PARD3: variants seen among roughly 807,000 people sequenced by gnomAD.
PARD3 encodes the protein par-3 family cell polarity regulator, also known as partitioning defective 3 homolog.
PARD3 carries 75 observed loss-of-function variants against 155.4 expected under a neutral mutation model. The observed-to-expected ratio is 0.48, with a 90% CI of 0.40 to 0.58. PARD3 has a LOEUF of 0.58. Among genes scored for constraint, PARD3 ranks in the 20% least tolerant of loss-of-function variants. PARD3 has a pLI of 0.00. For synonymous variants in PARD3, 576 were observed against 610.5 expected, an observed-to-expected ratio of 0.94 and a Z score of 0.83; for missense variants, 1,642 against 1,721.7, an observed-to-expected ratio of 0.95 and a Z score of 0.82.
rs1406115456 is a variant in PARD3, at chr10:34,542,239, G to GTGTGCACGTGTGCA, written c.223-25081_223-25080insTGCACACGTGCACA. ...TGTGTGTGTGTGTGTGTGTGTGTGT[G>GTGTGCACGTGTGCA]CACACACACACACGCTTGCATTTAC... On this transcript the variant is annotated intron_variant, in intron 2 of 24. Coordinates refer to ENST00000374788, the MANE Select transcript of PARD3 (RefSeq NM_001184785.2). Among the ~76,000 whole-genome samples, 14 of 144,346 alleles carry GTGTGCACGTGTGCA rather than the reference G, an allele frequency of 9.7e-5. No homozygotes were observed. The South Asian group carries it at 3.2e-3, about 33-fold the overall frequency. The allele number at this position is 144,346 out of a possible 152,430, so 94.7% of individuals were successfully genotyped here.
At chr10:34,534,538 G>A (rs936441097) in intron 2 of PARD3, among the ~76,000 whole-genome samples, 1 of 152,142 alleles carries the variant, frequency 6.6e-6, no homozygotes, top group Admixed American at 6.6e-5. Flanking sequence ...AATAAATGAA[G>A]AGGGCTACAA....
At chr10:34,216,280 C>A (rs192191708) in intron 22 of PARD3, among the ~76,000 whole-genome samples, 1 of 152,154 alleles carries the variant, frequency 6.6e-6, no homozygotes, top group Non-Finnish European at 1.5e-5. Flanking sequence ...GCTATTTGTA[C>A]GACTACCTGC....
intron 2 of PARD3, among the ~76,000 whole-genome samples, chr10:34,669,681 G>A (rs1056045566): frequency 6.6e-6 from 1 of 151,924 alleles, no homozygotes; most frequent in Non-Finnish European, 1.5e-5. Flanking sequence ...TAATTTGCTT[G>A]CAACAAATGA....
Position 34,374,862 on chromosome 10 carries a change from A to T in PARD3, c.1668+12T>A, listed in dbSNP as rs770659159. 2.3e-5 allele frequency: 37 copies of T among 1,612,746 alleles called. No individual in the cohort carries two copies. The highest frequency in any genetic ancestry group is 2.5e-5 in the Non-Finnish European group (29 of 1,179,512). The stretch of plus-strand genomic sequence containing the variant: ...ATATCAGAAATCTTTCATCTACTCT[A>T]AATTTACACACCAGTTCCCTTGGGT... On this transcript the variant is annotated intron_variant, in intron 11 of 24. Transcript: ENST00000374788.
Position 34,449,237 on chromosome 10 carries a change from G to C in PARD3, c.714+1080C>G, listed in dbSNP as rs762936605. On this transcript the variant is annotated intron_variant, in intron 5 of 24. Transcript: ENST00000374788. ...CGGCAGATAAATTATCTTGATTGTG[G>C]TAATCATTGTATTAATATATACATA... Among the ~76,000 whole-genome samples the C allele has an allele frequency of 3.7e-4, 56 of 151,730 alleles. 1 individual carries two copies. The highest frequency in any genetic ancestry group is 1.0e-4 in the Non-Finnish European group (7 of 67,956).
intron 14 of PARD3, among the ~76,000 whole-genome samples, chr10:34,352,889 T>G (rs542604888): frequency 6.6e-6 from 1 of 151,440 alleles, no homozygotes; most frequent in East Asian, 2.0e-4. Flanking sequence ...CCATCCCATC[T>G]AGGAAGTGAG....
chr10:34,712,469 A>C (rs2094461611), intron 1 of PARD3, among the ~76,000 whole-genome samples: 1 of 152,188 alleles, frequency 6.6e-6, no homozygotes, highest in Admixed American at 6.5e-5. Context: ...CTGCTTTTCC[A>C]TGTGACAATC....
intron 2 of PARD3, among the ~76,000 whole-genome samples, chr10:34,594,531 A>T (rs1386599592): frequency 6.6e-6 from 1 of 152,142 alleles, no homozygotes; most frequent in East Asian, 1.9e-4. Context: ...TCAAGAATGG[A>T]GTAAGTGATG....
intron 2 of PARD3, among the ~76,000 whole-genome samples, chr10:34,636,582 C>G (rs759695466): frequency 5.3e-5 from 8 of 152,190 alleles, no homozygotes; most frequent in Non-Finnish European, 1.0e-4. Flanking sequence ...AGTCACCTCA[C>G]GAAGAGTCAA....
chr10:34,451,405 A>G (rs2077048600), intron 4 of PARD3, among the ~76,000 whole-genome samples: 1 of 152,188 alleles, frequency 6.6e-6, no homozygotes, highest in Non-Finnish European at 1.5e-5. Context: ...AACACTGTTA[A>G]GAGTAATCTG....
At chr10:34,253,036 CT>C (rs1370447472) in intron 22 of PARD3, among the ~76,000 whole-genome samples, 1 of 152,132 alleles carries the variant, frequency 6.6e-6, no homozygotes. Flanking sequence ...AGCTGGAAAT[CT>C]TATTAAAAAA....
chr10:34,504,429 TAAAA>T (rs57691806), intron 3 of PARD3, among the ~76,000 whole-genome samples: 1 of 132,650 alleles, frequency 7.5e-6, no homozygotes. Context: ...TCCCCAAGAT[TAAAA>T]AAAAAAAAAA....
chr10:34,717,303 C>T (rs936971797), intron 1 of PARD3, among the ~76,000 whole-genome samples: 1 of 152,116 alleles, frequency 6.6e-6, no homozygotes, highest in African/African-American at 2.4e-5. Flanking sequence ...TATTGCTCTA[C>T]CAGTCTATGA....
chr10:34,769,949 C>A (rs9418116), intron 1 of PARD3, among the ~76,000 whole-genome samples: 1 of 151,854 alleles, frequency 6.6e-6, no homozygotes, highest in East Asian at 1.9e-4. Context: ...GTGGGGTTCC[C>A]CTTCTCTAGT....
chr10:34,337,480 C>A, intron 16 of PARD3, 54 bp from the exon 17 acceptor site: 1 of 1,232,312 alleles, frequency 8.1e-7, no homozygotes, highest in Non-Finnish European at 1.1e-6. Flanking sequence ...AGCACGCATC[C>A]ATTTTAGGGA....
chr10:34,321,444 C>G (rs10827347), intron 19 of PARD3, among the ~76,000 whole-genome samples: 91,870 of 151,952 alleles, frequency 0.6, 29,765 homozygotes, highest in African/African-American at 0.86. Context: ...TTTGCAGATA[C>G]CCTACACAAA....
chr10:34,294,518 C>T (rs547329013), intron 20 of PARD3, among the ~76,000 whole-genome samples: 3 of 152,118 alleles, frequency 2.0e-5, no homozygotes, highest in Admixed American at 6.5e-5. Context: ...TTAAGGTGAC[C>T]GTCAGCACTT....
At chr10:34,157,810 A>C (rs527254878) in intron 22 of PARD3, among the ~76,000 whole-genome samples, 1 of 152,344 alleles carries the variant, frequency 6.6e-6, no homozygotes, top group South Asian at 2.1e-4. Context: ...TGACAAAACA[A>C]GCATAATACT....
At chr10:34,646,884 C>T (rs2092853718) in intron 2 of PARD3, among the ~76,000 whole-genome samples, 1 of 152,126 alleles carries the variant, frequency 6.6e-6, no homozygotes, top group South Asian at 2.1e-4. Context: ...CTGACAGGGT[C>T]TCCCTATATT....
Sources: allele counts gnomAD v4.1 joint callset (sites outside exome capture counted in the v4.1 genomes callset), GRCh38; gene constraint gnomAD v4.1.1; transcripts MANE v1.5; gene names NCBI Gene and HGNC (gene_info 2026-07-23, HGNC 2026-07-21).